Variants in TPCN2 observed in about 807,000 individuals in gnomAD.
TPCN2 encodes two pore channel protein 2.
In TPCN2, 92 loss-of-function variants were observed where a neutral mutation model predicts 111.4. The ratio of observed to expected loss-of-function variants is 0.83; its 90% CI spans 0.70 to 0.98. TPCN2 has a LOEUF of 0.98. TPCN2 is among the 50% of genes least tolerant of loss of function. TPCN2 has a pLI of 0.00. For synonymous variants in TPCN2, 405 were observed against 414.5 expected, an observed-to-expected ratio of 0.98 and a Z score of 0.28; for missense variants, 995 against 980.1, an observed-to-expected ratio of 1.02 and a Z score of -0.20.
chr11:69,080,765 G>A (rs1215025236), intron 17 of TPCN2, among the ~76,000 whole-genome samples: 2 of 152,352 alleles, frequency 1.3e-5, no homozygotes, highest in Non-Finnish European at 1.5e-5. Flanking sequence ...GTGCTGTGCC[G>A]TGGGGCTGGC....
At position 69,063,918 on chromosome 11, in the gene TPCN2, A is replaced by G; in HGVS notation, c.677A>G (p.His226Arg). Residue 226 changes from histidine to arginine, a missense_variant, in exon 7 of 25, where the codon CAC (histidine) becomes CGC (arginine). Physicochemically the swap from His to Arg is conservative, Grantham distance 29. Transcript: ENST00000294309. ...MASVGLLLAI[H>R]LCLFTMFGML... is the part of the protein sequence containing the mutation. ...AGCGTCGGGCTGCTGCTGGCCATCC[A>G]CCTGTGCCTCTTCACCATGTTCGGA... is the stretch of plus-strand genomic sequence containing the variant. 6.2e-7 allele frequency: 1 copy of G among 1,613,756 alleles called. No individual in the cohort carries two copies. Among genetic ancestry groups the G allele is most frequent in the Non-Finnish European group, 8.5e-7 (1 of 1,179,900 alleles).
intron 16 of TPCN2, 156 bp downstream of exon 16, chr11:69,079,176 C>T (rs961298526): frequency 2.0e-5 from 20 of 992,376 alleles, no homozygotes; most frequent in South Asian, 1.7e-4. Context: ...CCCTGCTGGC[C>T]GAGTTGCTCA....
At chr11:69,075,243 T>A (rs1361436319) in intron 13 of TPCN2, among the ~76,000 whole-genome samples, 1 of 152,204 alleles carries the variant, frequency 6.6e-6, no homozygotes, top group Non-Finnish European at 1.5e-5. Flanking sequence ...TCAATAATGC[T>A]GACTGTAGAG....
intron 4 of TPCN2, among the ~76,000 whole-genome samples, chr11:69,056,411 G>A (rs1234061840): frequency 6.6e-6 from 1 of 152,236 alleles, no homozygotes; most frequent in African/African-American, 2.4e-5. Context: ...TTTTCAACTG[G>A]AACTGAAACT....
At chr11:69,079,089 G>A in intron 16 of TPCN2, 69 bp downstream of exon 16, 3 of 1,534,684 alleles carry the variant, frequency 2.0e-6, no homozygotes, top group Non-Finnish European at 2.6e-6. Flanking sequence ...GCTCTGTGCT[G>A]GCCCATCTCA....
rs1856357968 is a variant in TPCN2 at position 69,088,334 on chromosome 11, A to G, written c.*381A>G. 1 of 208,156 alleles carries G rather than the reference A, an allele frequency of 4.8e-6. No homozygotes were observed. The highest frequency in any genetic ancestry group is 5.3e-5 in the Admixed American group (1 of 18,792). 12.9% of individuals were successfully genotyped at this position (208,156 alleles called of 1,614,324 possible). ...GACCACAGGCCTGACCAGGGCCTGC[A>G]CAGGTTAACCGTCAGACTTCCGGGG... On this transcript the variant is annotated 3_prime_UTR_variant, in exon 25 of 25. Transcript: ENST00000294309.
chr11:69,051,562 A>G (rs1454036339), intron 1 of TPCN2, among the ~76,000 whole-genome samples: 1 of 152,200 alleles, frequency 6.6e-6, no homozygotes, highest in African/African-American at 2.4e-5. Context: ...GGGAGCTCAG[A>G]CCTGGATGTT....
chr11:69,064,006 C>T, intron 7 of TPCN2, 39 bp downstream of exon 7: 4 of 1,596,016 alleles, frequency 2.5e-6, no homozygotes, highest in Non-Finnish European at 3.4e-6. Context: ...ATGGGGCTGC[C>T]CTGTGCTGTG....
intron 7 of TPCN2, among the ~76,000 whole-genome samples, chr11:69,066,292 G>A (rs568876596): frequency 6.6e-6 from 1 of 152,292 alleles, no homozygotes; most frequent in Admixed American, 6.5e-5. Context: ...GGCCTCGGAA[G>A]GCCTTGCTCT....
chr11:69,085,999 G>A (rs1179771918), intron 22 of TPCN2, 69 bp downstream of exon 22: 2 of 1,458,430 alleles, frequency 1.4e-6, no homozygotes, highest in Non-Finnish European at 1.9e-6. Flanking sequence ...CTCCGGGCAC[G>A]CTGCATCTGC....
chr11:69,086,756 C>T (rs975610069), intron 23 of TPCN2, 152 bp downstream of exon 23: 39 of 734,616 alleles, frequency 5.3e-5, no homozygotes, highest in East Asian at 2.1e-4. Flanking sequence ...GAGCCCCTCC[C>T]GTGGGGCTCA....
intron 1 of TPCN2, 101 bp downstream of exon 1, chr11:69,049,207 C>CA (rs1159216690): frequency 1.9e-5 from 16 of 823,994 alleles, no homozygotes; most frequent in Non-Finnish European, 2.6e-5. Context: ...GGCGCGCCCC[C>CA]ACCAGGTTCG....
chr11:69,083,885 G>A lies in TPCN2; in HGVS notation c.1690-60G>A. On this transcript the variant is annotated intron_variant, in intron 18 of 24. Coordinates refer to ENST00000294309, the MANE Select transcript of TPCN2 (RefSeq NM_139075.4). ...TGTCAGGGTCAGCGTGGTGGGCCGG[G>A]ATGGTGTCCCCTCAGTGGGGCCAGG... is the stretch of plus-strand genomic sequence containing the variant. 7 of 1,533,602 alleles carry A rather than the reference G, an allele frequency of 4.6e-6. 1 individual carries two copies. The South Asian group carries it at 7.8e-5, about 17-fold the overall frequency. The allele number at this position is 1,533,602 out of a possible 1,614,324, so 95.0% of individuals were successfully genotyped here.
chr11:69,074,201 G>A (rs918291707), intron 13 of TPCN2, among the ~76,000 whole-genome samples: 3 of 152,176 alleles, frequency 2.0e-5, no homozygotes, highest in African/African-American at 7.2e-5. Context: ...GTTTTCCTAA[G>A]GTCCTTCCAG....
intron 2 of TPCN2, 117 bp from the exon 3 acceptor site, chr11:69,054,604 C>A: frequency 1.1e-6 from 1 of 951,124 alleles, no homozygotes; most frequent in Non-Finnish European, 1.6e-6. Flanking sequence ...CACGCTGAAG[C>A]GTCCCCTGTG....
At chr11:69,078,866 C>T (rs367909042) in intron 15 of TPCN2, 26 bp from the exon 16 acceptor site, 1 of 1,614,060 alleles carries the variant, frequency 6.2e-7, no homozygotes, top group Non-Finnish European at 8.5e-7. Flanking sequence ...GGGCCCAATG[C>T]TGGGTGCCTC....
chr11:69,073,647 A>G (rs950304552), intron 13 of TPCN2, among the ~76,000 whole-genome samples: 2 of 152,200 alleles, frequency 1.3e-5, no homozygotes, highest in Admixed American at 6.5e-5. Flanking sequence ...AGCAGCAGAC[A>G]TTTGTTATCT....
intron 5 of TPCN2, among the ~76,000 whole-genome samples, chr11:69,058,330 G>A (rs1854865593): frequency 1.3e-5 from 2 of 152,180 alleles, no homozygotes; most frequent in Non-Finnish European, 2.9e-5. Context: ...GGAGCCCAGT[G>A]GAACCCAGAA....
Position 69,086,604 on chromosome 11 carries a change from G to A in TPCN2, c.2085G>A (p.Glu695=), listed in dbSNP as rs1856286217. ...WVNLFLALIL[E]NFLHKWDPRS... is the part of the protein sequence containing the mutation. ...ACCTGTTTCTGGCCCTGATTCTGGA[G>A]GTATCAGAGATCCCCACCCAGGCTG... The change falls in exon 23 of 25, where the codon GAG becomes GAA. Residue 695 remains glutamate (E), a splice_region_variant and synonymous_variant. Transcript: ENST00000294309. The A allele has an allele frequency of 1.9e-6, 3 of 1,613,492 alleles. No individual in the cohort carries two copies. Among genetic ancestry groups the A allele is most frequent in the Admixed American group, 3.3e-5 (2 of 60,004 alleles).
Sources: gnomAD v4.1 joint callset for allele counts (sites outside exome capture counted in the v4.1 genomes callset) on GRCh38, gnomAD v4.1.1 for gene constraint, MANE v1.5 for transcripts, NCBI Gene and HGNC (gene_info 2026-07-23, HGNC 2026-07-21) for gene names.